The following RAB3GAP2 variants were observed in gnomAD, a reference collection of about 807,000 sequenced individuals.
The protein encoded by RAB3GAP2 is rab3 GTPase-activating protein non-catalytic subunit.
RAB3GAP2 carries 87 observed loss-of-function variants against 185.3 expected under a neutral mutation model. The observed-to-expected ratio is 0.47, with a 90% CI of 0.39 to 0.56. The LOEUF (loss-of-function observed/expected upper bound fraction) is 0.56. Among genes scored for constraint, RAB3GAP2 ranks in the 20% least tolerant of loss-of-function variants. The pLI, the probability that RAB3GAP2 is intolerant of heterozygous loss-of-function variation, is 0.00. For missense variants in RAB3GAP2, 1,492 were observed against 1,638.2 expected (o/e 0.91, Z 1.54); for synonymous variants, 554 against 576.1 (o/e 0.96, Z 0.55).
intron 1 of RAB3GAP2, among the ~76,000 whole-genome samples, chr1:220,242,603 A>G (rs750710219): frequency 2.6e-5 from 4 of 152,202 alleles, no homozygotes; most frequent in Admixed American, 1.3e-4. Context: ...AACTTAATCA[A>G]CCTTCTAGTA....
At chr1:220,190,570 T>A in intron 14 of RAB3GAP2, 50 bp from the exon 15 acceptor site, 1 of 1,530,646 alleles carries the variant, frequency 6.5e-7, no homozygotes, top group South Asian at 1.1e-5. Flanking sequence ...CAAGGAGAAA[T>A]GCCAAAAGGT....
rs775013163 is a variant in RAB3GAP2, at chr1:220,184,116, G to A, written c.1918C>T (p.Leu640=). 1 of 1,610,382 alleles carries A rather than the reference G, an allele frequency of 6.2e-7. No individual in the cohort carries two copies. Among genetic ancestry groups the A allele is most frequent in the Non-Finnish European group, 8.5e-7 (1 of 1,176,956 alleles). Reference sequence around the variant, plus strand: ...GACTCATAGAGTTGCAGCAGTTTTAGTTTATTGGCACAAAACTGTAGCAAT... The same window carrying A: ...GACTCATAGAGTTGCAGCAGTTTTAATTTATTGGCACAAAACTGTAGCAAT... The part of the protein sequence containing the change: ...EGLLQFCANK[L]KLLQLYESVS... The change falls in exon 19 of 35, where the codon CTA becomes TTA. Residue 640 remains leucine, a synonymous_variant. Transcript: ENST00000358951.
chr1:220,166,225 G>A (rs2102856457), intron 26 of RAB3GAP2, among the ~76,000 whole-genome samples: 1 of 152,220 alleles, frequency 6.6e-6, no homozygotes, highest in African/African-American at 2.4e-5. Context: ...CTTTCATAAT[G>A]TCTTCCTTTA....
intron 9 of RAB3GAP2, chr1:220,200,497 C>A (rs1658828732): frequency 2.1e-6 from 1 of 487,612 alleles, no homozygotes. Flanking sequence ...ATTAACCAGA[C>A]CTCTACATAA....
At chr1:220,211,090 C>A in intron 4 of RAB3GAP2, 88 bp from the exon 5 acceptor site, 1 of 1,298,714 alleles carries the variant, frequency 7.7e-7, no homozygotes, top group Non-Finnish European at 1.1e-6. Context: ...AGGATAATAA[C>A]TGGAAGATGA....
chr1:220,191,574 T>C (rs936914376), intron 13 of RAB3GAP2, among the ~76,000 whole-genome samples: 2 of 152,100 alleles, frequency 1.3e-5, no homozygotes, highest in African/African-American at 2.4e-5. Flanking sequence ...ATTCCAGCAC[T>C]TTGGGAAGCT....
intron 8 of RAB3GAP2, among the ~76,000 whole-genome samples, chr1:220,204,717 C>T (rs1658928357): frequency 6.6e-6 from 1 of 150,408 alleles, no homozygotes; most frequent in African/African-American, 2.5e-5. Flanking sequence ...GGTATATCTC[C>T]TAATGCTATC....
intron 12 of RAB3GAP2, among the ~76,000 whole-genome samples, chr1:220,193,628 A>G (rs1456040732): frequency 6.6e-6 from 1 of 152,222 alleles, no homozygotes; most frequent in Non-Finnish European, 1.5e-5. Context: ...TTTAGAGAAT[A>G]TAAAGTATAA....
At chr1:220,251,747 G>A (rs192844426) in intron 1 of RAB3GAP2, among the ~76,000 whole-genome samples, 9 of 152,332 alleles carry the variant, frequency 5.9e-5, no homozygotes, top group African/African-American at 1.9e-4. Flanking sequence ...GCTTAGTGGA[G>A]CACTGTTCTT....
At chr1:220,245,295 AG>A (rs1046950565) in intron 1 of RAB3GAP2, among the ~76,000 whole-genome samples, 4 of 152,204 alleles carry the variant, frequency 2.6e-5, no homozygotes, top group African/African-American at 9.6e-5. Context: ...CAGTGGGCGC[AG>A]GCCAGTGGGT....
At chr1:220,172,615 G>A (rs368884170) in intron 22 of RAB3GAP2, 22 bp downstream of exon 22, 28 of 1,506,036 alleles carry the variant, frequency 1.9e-5, no homozygotes, top group East Asian at 4.5e-5. Flanking sequence ...CTTTGTTGAC[G>A]AGAGCAACAA....
chr1:220,173,230 A>C (rs1658212434), intron 21 of RAB3GAP2, among the ~76,000 whole-genome samples: 1 of 152,236 alleles, frequency 6.6e-6, no homozygotes, highest in Non-Finnish European at 1.5e-5. Context: ...ATCACTAATA[A>C]GTTATGAAAA....
At chr1:220,208,042 G>A (rs1038882458) in intron 7 of RAB3GAP2, 1 of 152,186 alleles carries the variant, frequency 6.6e-6, no homozygotes, top group African/African-American at 2.4e-5. Flanking sequence ...ATCCAGAGCT[G>A]TTTAACGTAG....
chr1:220,164,473 G>GTTTTTTTT (rs35024056), intron 27 of RAB3GAP2, among the ~76,000 whole-genome samples: 2 of 105,650 alleles, frequency 1.9e-5, no homozygotes, highest in African/African-American at 3.7e-5. Context: ...TTTTTGTTTT[G>GTTTTTTTT]TTTTTTTTTT....
intron 1 of RAB3GAP2, among the ~76,000 whole-genome samples, chr1:220,250,378 G>C (rs1321343728): frequency 1.3e-5 from 2 of 152,226 alleles, no homozygotes; most frequent in Non-Finnish European, 2.9e-5. Context: ...TTTGGAAAAG[G>C]TGTATTTACC....
chr1:220,236,467 C>G (rs180860208), intron 1 of RAB3GAP2, among the ~76,000 whole-genome samples: 2 of 152,052 alleles, frequency 1.3e-5, no homozygotes, highest in Admixed American at 6.6e-5. Context: ...TGAGACACTG[C>G]GCTCCGCCCC....
At position 220,162,210 on chromosome 1, in the gene RAB3GAP2, G is replaced by T; in HGVS notation, c.3213C>A (p.Tyr1071Ter). Residue 1071 changes from tyrosine to a stop codon, truncating the protein, a stop_gained, in exon 28 of 35, where the codon TAC becomes TAA. Coordinates refer to ENST00000358951, the MANE Select transcript of RAB3GAP2 (RefSeq NM_012414.4). LOFTEE classifies it high-confidence loss of function. Reference sequence around the variant, plus strand: ...GAAACTACCTTACCTTATCCATTAAGTATGTAGCAGCAGAAAATCTTTTAA... The same window carrying T: ...GAAACTACCTTACCTTATCCATTAATTATGTAGCAGCAGAAAATCTTTTAA... ...FLVKRFSAAT[Y>*]LMDKVGKSPK... The T allele has an allele frequency of 6.4e-7, 1 of 1,574,724 alleles. No individual in the cohort carries two copies. The highest frequency in any genetic ancestry group is 8.7e-7 in the Non-Finnish European group (1 of 1,144,484).
chr1:220,212,396 A>G (rs1659100065), intron 4 of RAB3GAP2, among the ~76,000 whole-genome samples: 1 of 152,240 alleles, frequency 6.6e-6, no homozygotes. Flanking sequence ...TACACGATAT[A>G]TAAAATTTGC....
chr1:220,193,604 C>T lies in RAB3GAP2; in HGVS notation c.1131-225G>A, dbSNP rs79287176. Reference sequence around the variant, plus strand: ...CCTATGTAGGTTTTCAATAGATACCCACAACCCTATACCTTTAGAGAATAT... The same window carrying T: ...CCTATGTAGGTTTTCAATAGATACCTACAACCCTATACCTTTAGAGAATAT... On this transcript the variant is annotated intron_variant, in intron 12 of 34. Transcript: ENST00000358951. Among the ~76,000 whole-genome samples the T allele has an allele frequency of 0.069, 10,531 of 152,032 alleles. 482 individuals carry two copies. Among genetic ancestry groups the T allele is most frequent in the Middle Eastern group, 0.11 (32 of 294 alleles).
Sources: gnomAD v4.1 joint callset for allele counts (sites outside exome capture counted in the v4.1 genomes callset) on GRCh38, gnomAD v4.1.1 for gene constraint, MANE v1.5 for transcripts, NCBI Gene and HGNC (gene_info 2026-07-23, HGNC 2026-07-21) for gene names.